Variants in MAP4 observed in about 807,000 individuals in gnomAD.
MAP4 encodes the protein microtubule-associated protein 4.
A neutral mutation model predicts 170.2 loss-of-function variants in MAP4; 76 were observed. The observed-to-expected ratio is 0.45, with a 90% CI of 0.37 to 0.54. MAP4 has a LOEUF of 0.54. Ranked by LOEUF, MAP4 falls within the 20% of genes least tolerant of loss-of-function variation. MAP4 has a pLI of 0.00. For missense variants in MAP4, 2,506 were observed against 2,748.0 expected, an observed-to-expected ratio of 0.91 and a Z score of 1.97; for synonymous variants, 909 against 994.5, an observed-to-expected ratio of 0.91 and a Z score of 1.62.
At chr3:47,857,659 C>G in intron 17 of MAP4, 147 bp from the exon 18 acceptor site, 1 of 637,980 alleles carries the variant, frequency 1.6e-6, no homozygotes, top group Non-Finnish European at 2.8e-6. Context: ...ACAAGGTCAT[C>G]TCCCTAAGTA....
rs533794100 is a variant in MAP4, at chr3:47,910,161, T to C, written c.4260A>G (p.Arg1420=). 87 of 1,614,026 alleles carry C rather than the reference T, an allele frequency of 5.4e-5. No individual in the cohort carries two copies. The South Asian group carries it at 9.3e-4, about 17-fold the overall frequency. The change falls in exon 9 of 21, where the codon AGA becomes AGG. Residue 1420 remains arginine, a synonymous_variant. Coordinates refer to ENST00000683076, the MANE Select transcript of MAP4 (RefSeq NM_001385682.1). ...ENRNITFTCP[R]TPSELINKSS... ...ATTTATTTATCAGCTCTGATGGTGT[T>C]CTGGGACAGGTAAATGTAATATTTC...
At chr3:48,031,570 A>G (rs1187332510) in intron 1 of MAP4, among the ~76,000 whole-genome samples, 1 of 151,726 alleles carries the variant, frequency 6.6e-6, no homozygotes, top group East Asian at 1.9e-4. Context: ...CAAAAAAACA[A>G]AAAAATTAGC....
intron 1 of MAP4, among the ~76,000 whole-genome samples, chr3:48,007,361 G>A (rs539850153): frequency 1.3e-5 from 2 of 152,288 alleles, no homozygotes; most frequent in East Asian, 3.9e-4. Flanking sequence ...TGCCTAGTGG[G>A]CATATTTGGA....
At chr3:48,088,732 G>C (rs1432765185) in intron 1 of MAP4, 6 of 152,616 alleles carry the variant, frequency 3.9e-5, no homozygotes, top group Non-Finnish European at 8.8e-5. Context: ...ACAGTGAGGA[G>C]GCCGCCCCTC....
rs1364229983 is a variant in MAP4 at position 47,911,467 on chromosome 3, T to C, written c.2954A>G (p.Asn985Ser). ...TLIASNPLEC[N>S]LKEGNNESKM... is the part of the protein sequence containing the mutation. ...ACTTTCATTATTCCCTTCTTTTAGA[T>C]TACATTCTAATGGATTACTTGCTAT... The change falls in exon 9 of 21, where the codon AAT becomes AGT. Residue 985 changes from asparagine (N) to serine (S), a missense_variant. Physicochemically the swap from Asn to Ser is conservative, Grantham distance 46 (BLOSUM62 1). This residue lies in a region of MAP4 where 2,008 missense variants were observed against 2,206.0 expected (regional missense o/e 0.91). Transcript: ENST00000683076. This position sits in a 1 kb window ranked among gnomAD's most constrained non-coding sequence, Gnocchi z 4.0. 7.8e-6 allele frequency: 12 copies of C among 1,535,908 alleles called. No homozygotes were observed. Among genetic ancestry groups the C allele is most frequent in the Non-Finnish European group, 1.0e-5 (12 of 1,146,838 alleles).
chr3:47,907,142 A>T lies in MAP4; in HGVS notation c.5383+1896T>A, dbSNP rs1219280977. Among the ~76,000 whole-genome samples, 30 of 152,152 alleles carry T rather than the reference A, an allele frequency of 2.0e-4. 1 individual carries two copies. Among genetic ancestry groups the T allele is most frequent in the Admixed American group, 2.0e-3 (30 of 15,260 alleles). On this transcript the variant is annotated intron_variant, in intron 9 of 20. Coordinates refer to ENST00000683076, the MANE Select transcript of MAP4 (RefSeq NM_001385682.1). ...GAGCCACTGCGCCTGGCTTCTTTAT[A>T]CTGAGTCTTAAAAGATCTCTTTAAA...
chr3:47,929,770 T>C (rs1044659830), intron 3 of MAP4, among the ~76,000 whole-genome samples: 1 of 150,762 alleles, frequency 6.6e-6, no homozygotes, highest in African/African-American at 2.4e-5. Context: ...CCAAAAGCAC[T>C]ATCTGTAAGA....
intron 3 of MAP4, among the ~76,000 whole-genome samples, chr3:47,957,296 T>A (rs2100068423): frequency 6.6e-6 from 1 of 152,018 alleles, no homozygotes; most frequent in African/African-American, 2.4e-5. Flanking sequence ...GCCTCCCAAG[T>A]AGCTGGGACT....
chr3:48,056,193 ATGCCGTC>A (rs2100131341), intron 1 of MAP4, among the ~76,000 whole-genome samples: 1 of 86,528 alleles, frequency 1.2e-5, no homozygotes, highest in African/African-American at 3.9e-5. Flanking sequence ...CCCGCCAGCC[ATGCCGTC>A]CGGGAGGGAG....
intron 1 of MAP4, among the ~76,000 whole-genome samples, chr3:48,008,188 C>T (rs2100103442): frequency 6.6e-6 from 1 of 152,176 alleles, no homozygotes; most frequent in Non-Finnish European, 1.5e-5. Context: ...AAGTAAATTA[C>T]ATGAGGAAGT....
Position 47,911,496 on chromosome 3 carries a change from A to C in MAP4, c.2925T>G (p.Thr975=), listed in dbSNP as rs763983131. Residue 975 remains threonine, a synonymous_variant, in exon 9 of 21, where the codon ACT becomes ACG. Transcript: ENST00000683076. The surrounding 1 kb of genome is among the most constrained non-coding windows in gnomAD (Gnocchi z 4.0). ...ATTCTAATGGATTACTTGCTATCAA[A>C]GTGGGTACCAAATTTGGTATTTCTT... is the stretch of plus-strand genomic sequence containing the variant. ...AAKEIPNLVP[T]LIASNPLECN... 48 of 1,535,956 alleles carry C rather than the reference A, an allele frequency of 3.1e-5. No homozygotes were observed. Among genetic ancestry groups the C allele is most frequent in the Non-Finnish European group, 4.0e-5 (46 of 1,146,854 alleles).
intron 1 of MAP4, among the ~76,000 whole-genome samples, chr3:48,032,496 C>CCGT (rs949796050): frequency 6.6e-6 from 1 of 150,932 alleles, no homozygotes; most frequent in African/African-American, 2.4e-5. Flanking sequence ...GAGCAAGACT[C>CCGT]CGTCTCAAAA....
Position 47,918,437 on chromosome 3 carries a change from T to TA in MAP4, c.652+281dup, listed in dbSNP as rs1168427192. ...ACCAGGCCGTAAATCTGTACTGAAT[T>TA]AAAAAAAAAAATTCTGATACCTAAT... On this transcript the variant is annotated intron_variant, in intron 6 of 20. Transcript: ENST00000683076. Among the ~76,000 whole-genome samples, 908 of 147,830 alleles carry TA rather than the reference T, an allele frequency of 6.1e-3. 6 individuals carry two copies. The highest frequency in any genetic ancestry group is 0.021 in the African/African-American group (848 of 40,466).
intron 1 of MAP4, among the ~76,000 whole-genome samples, chr3:48,049,783 A>AC (rs2100126609): frequency 6.6e-6 from 1 of 150,812 alleles, no homozygotes; most frequent in South Asian, 2.1e-4. Flanking sequence ...ACACACACAC[A>AC]AAAAAATAGC....
intron 3 of MAP4, among the ~76,000 whole-genome samples, chr3:47,952,808 C>T (rs2100065312): frequency 6.6e-6 from 1 of 151,852 alleles, no homozygotes; most frequent in South Asian, 2.1e-4. Context: ...CCTGTAGTCC[C>T]AACTACTCGG....
At chr3:47,860,196 T>C (rs1268829837) in intron 17 of MAP4, among the ~76,000 whole-genome samples, 3 of 152,184 alleles carry the variant, frequency 2.0e-5, no homozygotes, top group South Asian at 2.1e-4. Context: ...CACCAAGATG[T>C]AGAGCCACAG....
intron 1 of MAP4, among the ~76,000 whole-genome samples, chr3:48,012,402 T>C (rs1279094531): frequency 2.0e-5 from 3 of 152,328 alleles, no homozygotes; most frequent in African/African-American, 2.4e-5. Context: ...ATCAGTTTCA[T>C]GGTCAAAGAG....
At chr3:48,030,387 T>C (rs1347469209) in intron 1 of MAP4, among the ~76,000 whole-genome samples, 3 of 151,854 alleles carry the variant, frequency 2.0e-5, no homozygotes, top group East Asian at 3.9e-4. Flanking sequence ...CAAGACTCTT[T>C]GGAGAAATGA....
chr3:48,016,226 A>C (rs2100107761), intron 1 of MAP4, 108 bp downstream of exon 1: 1 of 144,604 alleles, frequency 6.9e-6, no homozygotes, highest in Admixed American at 7.0e-5. Flanking sequence ...CCCCCATTTA[A>C]GGGAGCCCTG....
Sources: gnomAD v4.1 joint callset for allele counts (sites outside exome capture counted in the v4.1 genomes callset) on GRCh38, gnomAD v4.1.1 for gene constraint, gnomAD v4.1.1 regional missense constraint, Gnocchi (gnomAD v3.1) non-coding constraint, MANE v1.5 for transcripts, NCBI Gene and HGNC (gene_info 2026-07-23, HGNC 2026-07-21) for gene names.